Variants in MYH1 observed in about 807,000 individuals in gnomAD.
The protein encoded by MYH1 is myosin-1.
MYH1 carries 214 observed loss-of-function variants against 225.6 expected under a neutral mutation model. The observed-to-expected ratio is 0.95, with a 90% CI of 0.85 to 1.06. The LOEUF (loss-of-function observed/expected upper bound fraction) is 1.06, where lower values mean the gene tolerates loss of function less well. Among genes scored for constraint, MYH1 ranks in the 50% least tolerant of loss-of-function variants. The pLI, the probability that MYH1 is intolerant of heterozygous loss-of-function variation, is 0.00. For synonymous variants in MYH1, 774 were observed against 842.3 expected (o/e 0.92, Z 1.40); for missense variants, 2,098 against 2,344.2 (o/e 0.89, Z 2.17).
chr17:10,517,928 T>C (rs1298957832), intron 2 of MYH1, among the ~76,000 whole-genome samples: 1 of 152,214 alleles, frequency 6.6e-6, no homozygotes, highest in East Asian at 1.9e-4. Flanking sequence ...TTTGAAATGT[T>C]ACATTGCATA....
At chr17:10,508,843 G>T (rs759113231) in intron 15 of MYH1, among the ~76,000 whole-genome samples, 171 bp from the exon 16 acceptor site, 4 of 152,190 alleles carry the variant, frequency 2.6e-5, no homozygotes, top group Non-Finnish European at 5.9e-5. Context: ...TTTATTGGGT[G>T]CTGATCAGGA....
chr17:10,516,034 G>A lies in MYH1; in HGVS notation c.397C>T (p.Pro133Ser). The change falls in exon 5 of 40, where the codon CCA (proline) becomes TCA (serine). Residue 133 changes from proline to serine, a missense_variant. Transcript: ENST00000226207. ...CVTVNPYKWL[P>S]VYNAEVVTAY... Reference sequence around the variant, plus strand: ...GTCACCACCTCTGCATTATACACTGGCAACCACTTGTAGGGGTTGACAGTG... The same window carrying A: ...GTCACCACCTCTGCATTATACACTGACAACCACTTGTAGGGGTTGACAGTG... 2 of 1,614,154 alleles carry A rather than the reference G, an allele frequency of 1.2e-6. No homozygotes were observed. The highest frequency in any genetic ancestry group is 1.7e-6 in the Non-Finnish European group (2 of 1,180,030).
In MYH1 at chr17:10,513,703, A is replaced by T; in HGVS notation, c.742-14T>A. The T allele has an allele frequency of 6.2e-7, 1 of 1,614,008 alleles. No homozygotes were observed. The highest frequency in any genetic ancestry group is 1.1e-5 in the South Asian group (1 of 91,078). The stretch of plus-strand genomic sequence containing the variant: ...GATGAATTTACCCTTGTAAGTAAAA[A>T]AAATGATGTTATACCCAAAGCTTGA... On this transcript the variant is annotated splice_polypyrimidine_tract_variant and intron_variant, in intron 8 of 39. Coordinates refer to ENST00000226207, the MANE Select transcript of MYH1 (RefSeq NM_005963.4).
chr17:10,509,668 A>C lies in MYH1; in HGVS notation c.1417-13T>G. On this transcript the variant is annotated splice_polypyrimidine_tract_variant and intron_variant, in intron 14 of 39. Transcript: ENST00000226207. ...CCAGGCTGTTGAACTAAATGAGTTG[A>C]AAATACAAATTAGCATTCAATTTAT... The C allele has an allele frequency of 6.2e-7, 1 of 1,614,124 alleles. No individual in the cohort carries two copies.
chr17:10,508,345 A>T lies in MYH1; in HGVS notation c.1897+18T>A. 6.3e-7 allele frequency: 1 copy of T among 1,574,806 alleles called. No individual in the cohort carries two copies. ...TGTTTTATACATTAGGTAAAAGATT[A>T]ATTATATTGATAATTACCTGCTTCC... On this transcript the variant is annotated intron_variant, in intron 16 of 39. Coordinates refer to ENST00000226207, the MANE Select transcript of MYH1 (RefSeq NM_005963.4).
rs374202732 is a variant in MYH1 at position 10,513,826 on chromosome 17, G to A, written c.736C>T (p.Arg246Cys). ...TTGGCAACCAAGAGACTTACAAAGC[G>A]AGAGGAGTTGTCATTCCTCACGGTC... ...AKTVRNDNSS[R>C]FGKFIRIHFG... Residue 246 changes from arginine (R) to cysteine (C), a missense_variant, in exon 8 of 40, where the codon CGC (arginine) becomes TGC (cysteine). By Grantham distance (180) the Arg-to-Cys change is radical. Transcript: ENST00000226207. 10 of 1,614,156 alleles carry A rather than the reference G, an allele frequency of 6.2e-6. No homozygotes were observed. The highest frequency in any genetic ancestry group is 2.2e-5 in the East Asian group (1 of 44,878).
rs1193826405 is a variant in MYH1, at chr17:10,501,415, G to A, written c.3433C>T (p.Arg1145Trp). The change falls in exon 27 of 40, where the codon CGG (arginine) becomes TGG (tryptophan). Residue 1145 changes from arginine (R) to tryptophan (W), a missense_variant. Transcript: ENST00000226207. ...CTCTCGCTGATCTCCTCCAGCTCCC[G>A]GGAGAGATCAGAGCGCTGCTTCTCT... ...KAEKQRSDLS[R>W]ELEEISERLE... The A allele has an allele frequency of 1.9e-6, 3 of 1,614,050 alleles. No homozygotes were observed. The highest frequency in any genetic ancestry group is 2.5e-6 in the Non-Finnish European group (3 of 1,180,048).
At chr17:10,496,984 C>A in intron 33 of MYH1, 85 bp downstream of exon 33, 1 of 1,527,630 alleles carries the variant, frequency 6.5e-7, no homozygotes, top group Non-Finnish European at 8.8e-7. Flanking sequence ...AATTATTTTT[C>A]GTTTCTCTTG....
At chr17:10,513,563 A>G in intron 9 of MYH1, 63 bp downstream of exon 9, 1 of 1,496,040 alleles carries the variant, frequency 6.7e-7, no homozygotes, top group Non-Finnish European at 9.3e-7. Flanking sequence ...AGGAGCTGCA[A>G]AGTGTTCCTC....
chr17:10,515,020 A>T (rs986455215), intron 5 of MYH1, 125 bp from the exon 6 acceptor site: 5 of 828,442 alleles, frequency 6.0e-6, no homozygotes, highest in Admixed American at 4.2e-5. Flanking sequence ...ATATTATGGT[A>T]AAGTTATGGG....
At chr17:10,507,618 G>T (rs530439244) in intron 17 of MYH1, among the ~76,000 whole-genome samples, 3 of 152,082 alleles carry the variant, frequency 2.0e-5, no homozygotes, top group Admixed American at 2.0e-4. Flanking sequence ...CCCCAGAATC[G>T]AATTTTGCCG....
intron 9 of MYH1, among the ~76,000 whole-genome samples, chr17:10,513,423 T>C (rs1416320927): frequency 1.3e-5 from 2 of 152,190 alleles, no homozygotes; most frequent in African/African-American, 4.8e-5. Flanking sequence ...CAGCAGTTCC[T>C]GGCAGTTCCC....
chr17:10,514,588 T>C (rs1307742609), intron 6 of MYH1, among the ~76,000 whole-genome samples: 1 of 152,242 alleles, frequency 6.6e-6, no homozygotes, highest in Non-Finnish European at 1.5e-5. Flanking sequence ...GGCTGTATGC[T>C]GCTCATTGCA....
chr17:10,492,700 G>C (rs1456041885), intron 39 of MYH1, 132 bp from the exon 40 acceptor site: 1 of 1,032,718 alleles, frequency 9.7e-7, no homozygotes, highest in Non-Finnish European at 1.3e-6. Flanking sequence ...CTAGAGAAAT[G>C]CTCTTGAATT....
chr17:10,492,804 A>G lies in MYH1; in HGVS notation c.5668-236T>C, dbSNP rs539034318. On this transcript the variant is annotated intron_variant, in intron 39 of 39. Transcript: ENST00000226207. ...GTATCTGAACTTTTAGAACAGCAGA[A>G]CATCCTAGAGCTACTACTAAATATG... Among the ~76,000 whole-genome samples the G allele has an allele frequency of 2.0e-5, 3 of 151,582 alleles. No homozygotes were observed. In the South Asian group the frequency reaches 6.3e-4, roughly 32 times the overall value.
At chr17:10,502,433 C>G (rs1052768844) in intron 24 of MYH1, among the ~76,000 whole-genome samples, 14 of 152,186 alleles carry the variant, frequency 9.2e-5, no homozygotes, top group African/African-American at 3.1e-4. Context: ...CACATAGCCC[C>G]TTGTCTTTCA....
At chr17:10,513,492 C>G (rs2073192838) in intron 9 of MYH1, 134 bp downstream of exon 9, 7 of 873,232 alleles carry the variant, frequency 8.0e-6, no homozygotes, top group Non-Finnish European at 9.3e-6. Flanking sequence ...ATGGATAAGA[C>G]TGACATTAAC....
intron 11 of MYH1, 65 bp from the exon 12 acceptor site, chr17:10,512,611 A>C: frequency 6.2e-7 from 1 of 1,611,436 alleles, no homozygotes; most frequent in South Asian, 1.1e-5. Flanking sequence ...TCTTTTACAC[A>C]CATATAGATG....
In MYH1 at chr17:10,503,229, T is replaced by A. The variant is rs1382298533; in HGVS notation, c.2711A>T (p.Asp904Val). 1 of 1,614,206 alleles carries A rather than the reference T, an allele frequency of 6.2e-7. No individual in the cohort carries two copies. Among genetic ancestry groups the A allele is most frequent in the Non-Finnish European group, 8.5e-7 (1 of 1,180,036 alleles). ...TAGCTGGTCACACCTTTCCTCTGCA[T>A]CAGCCAAGCTGTCAGCTTCCTGAGA... is the stretch of plus-strand genomic sequence containing the variant. The part of the protein sequence containing the change: ...QVQAEADSLA[D>V]AEERCDQLIK... The change falls in exon 23 of 40, where the codon GAT (aspartate) becomes GTT (valine). Residue 904 changes from aspartate to valine, a missense_variant. Transcript: ENST00000226207.
Sources: allele counts gnomAD v4.1 joint callset (sites outside exome capture counted in the v4.1 genomes callset), GRCh38; gene constraint gnomAD v4.1.1; transcripts MANE v1.5; gene names NCBI Gene and HGNC (gene_info 2026-07-23, HGNC 2026-07-21).